The following ADD3 variants were observed in gnomAD, a reference collection of about 807,000 sequenced individuals.
ADD3 encodes the protein gamma-adducin.
ADD3 carries 25 observed loss-of-function variants against 80.2 expected under a neutral mutation model. The ratio of observed to expected loss-of-function variants is 0.31; its 90% CI spans 0.23 to 0.44. The LOEUF is 0.44. Among genes scored for constraint, ADD3 ranks in the 20% least tolerant of loss-of-function variants. The probability of loss-of-function intolerance (pLI) is 1.00; values close to 1 mark genes in which losing one functional copy is unlikely to be tolerated. For synonymous variants in ADD3, 284 were observed against 289.6 expected, an observed-to-expected ratio of 0.98 and a Z score of 0.20; for missense variants, 829 against 847.5, an observed-to-expected ratio of 0.98 and a Z score of 0.27.
intron 1 of ADD3, among the ~76,000 whole-genome samples, chr10:110,033,935 A>C (rs1376742587): frequency 6.6e-6 from 1 of 152,224 alleles, no homozygotes; most frequent in Non-Finnish European, 1.5e-5. Flanking sequence ...TTGGGAAACT[A>C]CTTTCTGTAC....
chr10:109,997,732 G>A (rs1183978963), intron 1 of ADD3, among the ~76,000 whole-genome samples: 1 of 152,230 alleles, frequency 6.6e-6, no homozygotes, highest in Non-Finnish European at 1.5e-5. Flanking sequence ...CCACTGAAAT[G>A]TAGTTTCTAA....
At chr10:110,092,125 T>C (rs901790402) in intron 1 of ADD3, among the ~76,000 whole-genome samples, 18 of 152,202 alleles carry the variant, frequency 1.2e-4, no homozygotes, top group South Asian at 2.1e-4. Context: ...GGAACACTTA[T>C]ACACTGCTGT....
chr10:110,013,463 A>G (rs572870240), intron 1 of ADD3, among the ~76,000 whole-genome samples: 49 of 152,278 alleles, frequency 3.2e-4, no homozygotes, highest in Middle Eastern at 3.4e-3. Context: ...GGCATATGCA[A>G]TTTCCATAGG....
At chr10:110,002,956 G>A (rs1334472521), upstream of ADD3, among the ~76,000 whole-genome samples, 4 of 152,172 alleles carry the variant, frequency 2.6e-5, no homozygotes, top group Non-Finnish European at 4.4e-5. Flanking sequence ...GAACTCATTA[G>A]CATGAATTCC....
At chr10:110,018,275 C>T (rs1853232566) in intron 1 of ADD3, among the ~76,000 whole-genome samples, 1 of 152,070 alleles carries the variant, frequency 6.6e-6, no homozygotes, top group African/African-American at 2.4e-5. Context: ...CGCCTGTAAT[C>T]CCAGCACTTT....
upstream of ADD3, among the ~76,000 whole-genome samples, chr10:110,006,463 T>C (rs990150198): frequency 2.0e-5 from 3 of 152,200 alleles, no homozygotes; most frequent in Non-Finnish European, 4.4e-5. Flanking sequence ...CTGCAGATAT[T>C]TTTAAATACC....
intron 1 of ADD3, among the ~76,000 whole-genome samples, chr10:110,099,660 C>CT (rs1848582392): frequency 1.3e-5 from 2 of 152,302 alleles, no homozygotes; most frequent in South Asian, 4.1e-4. Context: ...AGTGTTTCAT[C>CT]TATTTGTGTC....
At chr10:110,078,189 G>C (rs773757636) in intron 1 of ADD3, among the ~76,000 whole-genome samples, 1 of 151,992 alleles carries the variant, frequency 6.6e-6, no homozygotes, top group Non-Finnish European at 1.5e-5. Context: ...CACAGGTGTG[G>C]TATCATAGCA....
At chr10:110,122,436 C>A in intron 9 of ADD3, 144 bp downstream of exon 9, 2 of 675,414 alleles carry the variant, frequency 3.0e-6, no homozygotes, top group Middle Eastern at 4.3e-4. Context: ...TTTAACCACA[C>A]CTTTGAGAAT....
intron 1 of ADD3, among the ~76,000 whole-genome samples, chr10:109,997,312 G>A (rs1383796838): frequency 6.6e-6 from 1 of 152,166 alleles, no homozygotes; most frequent in Non-Finnish European, 1.5e-5. Flanking sequence ...GAAGAGGGTG[G>A]GGTGCCAAGC....
chr10:110,001,275 C>T (rs1201028158), upstream of ADD3, among the ~76,000 whole-genome samples: 3 of 151,936 alleles, frequency 2.0e-5, no homozygotes, highest in Non-Finnish European at 4.4e-5. Context: ...ATTAGTCAGG[C>T]ATAGTGGTGC....
At chr10:110,079,453 AGAGAGAGAGTGTGTGTGTGTGT>A (rs1479478051) in intron 1 of ADD3, among the ~76,000 whole-genome samples, 4 of 132,824 alleles carry the variant, frequency 3.0e-5, no homozygotes, top group Non-Finnish European at 6.2e-5. Context: ...AGAGAGAGAG[AGAGAGAGAGTGTGTGTGTGTGT>A]GTGTGTGTGT....
At chr10:109,999,898 C>T (rs1312716901) in intron 1 of ADD3, among the ~76,000 whole-genome samples, 1 of 150,182 alleles carries the variant, frequency 6.7e-6, no homozygotes, top group Non-Finnish European at 1.5e-5. Context: ...ATGTTGAGGC[C>T]ATAAGCTATG....
intron 1 of ADD3, among the ~76,000 whole-genome samples, chr10:110,024,033 G>T (rs1348444056): frequency 6.6e-6 from 1 of 152,080 alleles, no homozygotes; most frequent in African/African-American, 2.4e-5. Flanking sequence ...GAGAGGGAGG[G>T]GATAAGGGCT....
In ADD3 at chr10:110,097,425, TTATG is replaced by T. The variant is rs376276294; in HGVS notation, c.-29-3196_-29-3193del. On this transcript the variant is annotated intron_variant, in intron 1 of 14. Transcript: ENST00000356080. Reference sequence around the variant, plus strand: ...GATTTGTCTTATATTGGATTAATGTTTATGTATATATTTTGGATTTTTTGTGCTT... The same window carrying T: ...GATTTGTCTTATATTGGATTAATGTTTATATATTTTGGATTTTTTGTGCTT... Among the ~76,000 whole-genome samples the T allele has an allele frequency of 3.7e-3, 558 of 152,322 alleles. 3 individuals carry two copies. Among genetic ancestry groups the T allele is most frequent in the African/African-American group, 0.013 (525 of 41,574 alleles).
chr10:110,038,612 C>A (rs1438974945), intron 1 of ADD3, among the ~76,000 whole-genome samples: 1 of 152,122 alleles, frequency 6.6e-6, no homozygotes, highest in African/African-American at 2.4e-5. Context: ...TCTTTAAAAG[C>A]ACGTTGTCTT....
chr10:110,045,512 C>T (rs147224447), intron 1 of ADD3, among the ~76,000 whole-genome samples: 85 of 152,192 alleles, frequency 5.6e-4, no homozygotes, highest in African/African-American at 2.0e-3. Context: ...GTTTGAATAG[C>T]ACAAGTCCAC....
At chr10:110,018,806 G>A (rs1292249369) in intron 1 of ADD3, among the ~76,000 whole-genome samples, 1 of 152,136 alleles carries the variant, frequency 6.6e-6, no homozygotes, top group Non-Finnish European at 1.5e-5. Context: ...GGCCTCCCTA[G>A]GAAATACATT....
At chr10:110,061,923 T>C (rs1208345079) in intron 1 of ADD3, among the ~76,000 whole-genome samples, 2 of 152,066 alleles carry the variant, frequency 1.3e-5, no homozygotes, top group East Asian at 1.9e-4. Context: ...AGATTTTTAC[T>C]GTCAAGAATG....
Sources: gnomAD v4.1 joint callset for allele counts (sites outside exome capture counted in the v4.1 genomes callset) on GRCh38, gnomAD v4.1.1 for gene constraint, MANE v1.5 for transcripts, NCBI Gene and HGNC (gene_info 2026-07-23, HGNC 2026-07-21) for gene names.